Variants in CHRM3 observed in about 807,000 individuals in gnomAD.
The protein encoded by CHRM3 is muscarinic acetylcholine receptor M3.
In CHRM3, 11 loss-of-function variants were observed where a neutral mutation model predicts 41.8. That is an observed-to-expected ratio of 0.26 (90% CI 0.17 to 0.44). CHRM3 has a LOEUF of 0.44. Ranked by LOEUF, CHRM3 falls within the 20% of genes least tolerant of loss-of-function variation. The probability of loss-of-function intolerance (pLI) is 1.00; values close to 1 mark genes in which losing one functional copy is unlikely to be tolerated. For missense variants in CHRM3, 571 were observed against 745.4 expected (o/e 0.77, Z 2.72); for synonymous variants, 297 against 301.4 (o/e 0.99, Z 0.15).
chr1:239,470,610 C>T (rs1361555612), intron 1 of CHRM3, among the ~76,000 whole-genome samples: 1 of 152,162 alleles, frequency 6.6e-6, no homozygotes, highest in East Asian at 1.9e-4. Flanking sequence ...AACAATTTCC[C>T]CTGCCTTCTT....
chr1:239,853,134 AT>A (rs1674835948), intron 6 of CHRM3, among the ~76,000 whole-genome samples: 1 of 151,830 alleles, frequency 6.6e-6, no homozygotes, highest in Non-Finnish European at 1.5e-5. Flanking sequence ...GAGGGAAACT[AT>A]CACTAAAAAT....
At chr1:239,424,209 CAAT>C (rs1189102065) in intron 1 of CHRM3, among the ~76,000 whole-genome samples, 10 of 152,250 alleles carry the variant, frequency 6.6e-5, no homozygotes, top group Admixed American at 5.9e-4. Context: ...TACGACACGG[CAAT>C]GAGTGGTGTA....
chr1:239,786,630 A>C (rs572723673), intron 5 of CHRM3, among the ~76,000 whole-genome samples: 1 of 152,208 alleles, frequency 6.6e-6, no homozygotes, highest in Non-Finnish European at 1.5e-5. Flanking sequence ...GATCATTGTT[A>C]TAACAGAGAG....
chr1:239,714,373 G>C (rs1022007846), intron 5 of CHRM3: 2 of 152,188 alleles, frequency 1.3e-5, no homozygotes, highest in Admixed American at 1.3e-4. Context: ...AGAGTGCTCT[G>C]AGAGCACCTG....
chr1:239,666,596 C>T (rs1673829460), intron 4 of CHRM3, among the ~76,000 whole-genome samples: 1 of 152,162 alleles, frequency 6.6e-6, no homozygotes, highest in Admixed American at 6.5e-5. Flanking sequence ...TTCTTTTCCA[C>T]CACCTGCCTC....
At chr1:239,569,583 T>C (rs1332462670) in intron 3 of CHRM3, among the ~76,000 whole-genome samples, 1 of 152,228 alleles carries the variant, frequency 6.6e-6, no homozygotes, top group Non-Finnish European at 1.5e-5. Context: ...GAGTTTAAGA[T>C]ATCCATTCTT....
intron 3 of CHRM3, among the ~76,000 whole-genome samples, chr1:239,552,249 T>C (rs1408556680): frequency 1.4e-5 from 2 of 147,734 alleles, no homozygotes; most frequent in African/African-American, 4.9e-5. Context: ...CATATATATG[T>C]ATAGATGATA....
At chr1:239,671,455 C>A (rs1253831079) in intron 4 of CHRM3, among the ~76,000 whole-genome samples, 1 of 152,078 alleles carries the variant, frequency 6.6e-6, no homozygotes, top group Non-Finnish European at 1.5e-5. Flanking sequence ...ACTCTATAGT[C>A]CCAGCTACTG....
intron 5 of CHRM3, among the ~76,000 whole-genome samples, chr1:239,825,311 T>C (rs1398014653): frequency 6.6e-6 from 1 of 152,204 alleles, no homozygotes; most frequent in Non-Finnish European, 1.5e-5. Flanking sequence ...CATGTATTTC[T>C]CAACTTTTAT....
chr1:239,865,440 A>G (rs1381072483), intron 6 of CHRM3, among the ~76,000 whole-genome samples: 1 of 152,252 alleles, frequency 6.6e-6, no homozygotes, highest in Non-Finnish European at 1.5e-5. Context: ...TCTATAAATA[A>G]TATGTAAATT....
intron 5 of CHRM3, among the ~76,000 whole-genome samples, chr1:239,757,865 A>C (rs906509900): frequency 1.3e-5 from 2 of 152,226 alleles, no homozygotes; most frequent in South Asian, 4.1e-4. Flanking sequence ...TTAATGAAGC[A>C]GCAGTGGCTT....
At chr1:239,391,245 C>T (rs918964668) in intron 1 of CHRM3, among the ~76,000 whole-genome samples, 3 of 152,282 alleles carry the variant, frequency 2.0e-5, no homozygotes, top group African/African-American at 7.2e-5. Flanking sequence ...ATTTCATTCC[C>T]CACTGTACAC....
At chr1:239,653,775 G>A (rs762848471) in intron 4 of CHRM3, among the ~76,000 whole-genome samples, 1 of 152,266 alleles carries the variant, frequency 6.6e-6, no homozygotes, top group Admixed American at 6.5e-5. Flanking sequence ...TCATGTGTCC[G>A]CAGGGCTTCA....
intron 5 of CHRM3, among the ~76,000 whole-genome samples, chr1:239,724,946 C>T (rs1229558117): frequency 6.6e-6 from 1 of 151,892 alleles, no homozygotes; most frequent in Non-Finnish European, 1.5e-5. Flanking sequence ...CCCACCCCAC[C>T]ATGCCCAGCC....
At chr1:239,616,602 A>G (rs1667661445) in intron 3 of CHRM3, among the ~76,000 whole-genome samples, 1 of 152,216 alleles carries the variant, frequency 6.6e-6, no homozygotes, top group African/African-American at 2.4e-5. Flanking sequence ...ATCCAATTAA[A>G]TATGTTGTTT....
At chr1:239,901,185 C>T (rs898987891) in intron 6 of CHRM3, among the ~76,000 whole-genome samples, 2 of 152,154 alleles carry the variant, frequency 1.3e-5, no homozygotes, top group Non-Finnish European at 2.9e-5. Flanking sequence ...TTATCAGATG[C>T]GACCTCTTTT....
rs869143310 is a variant in CHRM3, at chr1:239,708,736, C to CTTTTTTTTTTT, written c.-147+30465_-147+30475dup. Among the ~76,000 whole-genome samples, 148 of 48,342 alleles carry CTTTTTTTTTTT rather than the reference C, an allele frequency of 3.1e-3. 16 individuals carry two copies. Among genetic ancestry groups the CTTTTTTTTTTT allele is most frequent in the South Asian group, 7.9e-3 (7 of 890 alleles). The allele number at this position is 48,342 out of a possible 152,430, so 31.7% of individuals were successfully genotyped here. On this transcript the variant is annotated intron_variant, in intron 5 of 6. Coordinates refer to ENST00000676153, the MANE Select transcript of CHRM3 (RefSeq NM_001375978.1). ...CTTTGTTTCTTCTGGTTTAAATTTT[C>CTTTTTTTTTTT]TTTTTTTTTTTTTTTTTTTTTTTTT...
chr1:239,903,305 G>A (rs369736775), intron 6 of CHRM3, among the ~76,000 whole-genome samples: 46 of 152,296 alleles, frequency 3.0e-4, no homozygotes, highest in African/African-American at 1.0e-3. Flanking sequence ...GCTGTTGAAT[G>A]TATACAAACA....
At position 239,768,764 on chromosome 1, in the gene CHRM3, ATAAT is replaced by A. The variant is rs1306626906; in HGVS notation, c.-146-58486_-146-58483del. ...TCTCACTAGGAGCCAGAGTTAAATG[ATAAT>A]TTTTTTTTTTTTTTGAGATGGAGTC... is the stretch of plus-strand genomic sequence containing the variant. On this transcript the variant is annotated intron_variant, in intron 5 of 6. Transcript: ENST00000676153. Among the ~76,000 whole-genome samples, 13 of 102,584 alleles carry A rather than the reference ATAAT, an allele frequency of 1.3e-4. No individual in the cohort carries two copies. The Admixed American group carries it at 1.4e-3, about 11-fold the overall frequency. The allele number at this position is 102,584 out of a possible 152,430, so 67.3% of individuals were successfully genotyped here. A position where few individuals can be genotyped will look rare whatever the true frequency, so the allele number is the denominator to read the frequency against.
Sources: gnomAD v4.1 joint callset for allele counts (sites outside exome capture counted in the v4.1 genomes callset) on GRCh38, gnomAD v4.1.1 for gene constraint, MANE v1.5 for transcripts, NCBI Gene and HGNC (gene_info 2026-07-23, HGNC 2026-07-21) for gene names.